Variants in SLC25A48 observed in about 807,000 individuals in gnomAD.
The protein encoded by SLC25A48 is solute carrier family 25 member 48.
A neutral mutation model predicts 32.2 loss-of-function variants in SLC25A48; 29 were observed. The observed-to-expected ratio is 0.90, with a 90% CI of 0.67 to 1.23. The LOEUF (loss-of-function observed/expected upper bound fraction) is 1.23. Ranked by LOEUF, SLC25A48 falls within the 50% of genes most tolerant of loss-of-function variation. The pLI, the probability that SLC25A48 is intolerant of heterozygous loss-of-function variation, is 0.00. For missense variants in SLC25A48, 399 were observed against 422.7 expected (o/e 0.94, Z 0.49); for synonymous variants, 164 against 172.3 (o/e 0.95, Z 0.38).
intron 3 of SLC25A48, among the ~76,000 whole-genome samples, chr5:135,755,850 G>GAAATATCA (rs72243598): frequency 4.0e-5 from 3 of 74,204 alleles, no homozygotes; most frequent in Admixed American, 1.2e-4. Context: ...TAGTATTAAT[G>GAAATATCA]AAATATCGCT....
chr5:135,776,849 A>G (rs959251894), intron 3 of SLC25A48, among the ~76,000 whole-genome samples: 3 of 151,928 alleles, frequency 2.0e-5, no homozygotes, highest in Non-Finnish European at 4.4e-5. Context: ...ATCAAAATGT[A>G]TATACAAACC....
chr5:135,702,821 G>T (rs1052515155), intron 3 of SLC25A48, among the ~76,000 whole-genome samples: 4 of 152,206 alleles, frequency 2.6e-5, no homozygotes, highest in African/African-American at 9.6e-5. Context: ...ACGTGTTAGC[G>T]TGGCGTGGAG....
intron 3 of SLC25A48, among the ~76,000 whole-genome samples, chr5:135,806,961 A>G (rs1282579834): frequency 6.6e-6 from 1 of 150,488 alleles, no homozygotes; most frequent in African/African-American, 2.4e-5. Context: ...TTTGAATATC[A>G]TAATAACTGT....
chr5:135,610,885 GA>G (rs1481415840), intron 1 of SLC25A48, among the ~76,000 whole-genome samples: 1 of 152,176 alleles, frequency 6.6e-6, no homozygotes, highest in Non-Finnish European at 1.5e-5. Flanking sequence ...TAACTTTAGT[GA>G]GTAGAATTTT....
intron 3 of SLC25A48, among the ~76,000 whole-genome samples, chr5:135,712,275 A>C (rs1202950920): frequency 6.6e-6 from 1 of 152,216 alleles, no homozygotes; most frequent in Admixed American, 6.5e-5. Flanking sequence ...TTTGGAGCAA[A>C]GAATTCATCA....
intron 3 of SLC25A48, among the ~76,000 whole-genome samples, chr5:135,749,213 T>C (rs1755712965): frequency 1.3e-5 from 2 of 151,778 alleles, no homozygotes; most frequent in Admixed American, 6.6e-5. Context: ...ATGCCTACTG[T>C]TTTTTGTACC....
chr5:135,748,898 T>C (rs2127006621), intron 3 of SLC25A48, among the ~76,000 whole-genome samples: 1 of 152,076 alleles, frequency 6.6e-6, no homozygotes, highest in South Asian at 2.1e-4. Flanking sequence ...TTTGTGTTTT[T>C]AGTAGAGACG....
At chr5:135,805,708 A>C (rs1749923010) in intron 3 of SLC25A48, among the ~76,000 whole-genome samples, 1 of 151,580 alleles carries the variant, frequency 6.6e-6, no homozygotes, top group Admixed American at 6.6e-5. Context: ...ATTACTTCTA[A>C]TATCCCAGTG....
intron 3 of SLC25A48, among the ~76,000 whole-genome samples, chr5:135,642,101 T>C (rs913426237): frequency 1.3e-5 from 2 of 152,188 alleles, no homozygotes; most frequent in Non-Finnish European, 2.9e-5. Flanking sequence ...TACTGGGAAG[T>C]TTGTTTAGCT....
At chr5:135,864,237 T>G (rs1761023715) in intron 4 of SLC25A48, among the ~76,000 whole-genome samples, 1 of 152,208 alleles carries the variant, frequency 6.6e-6, no homozygotes. Context: ...CAGAGTTGCC[T>G]GGCTGGGAGG....
At chr5:135,619,026 T>G (rs1420598874) in intron 1 of SLC25A48, among the ~76,000 whole-genome samples, 3 of 152,118 alleles carry the variant, frequency 2.0e-5, no homozygotes, top group Non-Finnish European at 2.9e-5. Context: ...TGTATCTGGA[T>G]GACTAAATCT....
intron 6 of SLC25A48, among the ~76,000 whole-genome samples, chr5:135,879,603 A>AGTGTGT (rs1401571630): frequency 1.4e-4 from 18 of 130,046 alleles, no homozygotes; most frequent in South Asian, 4.8e-4. Flanking sequence ...AGAGAGAGAG[A>AGTGTGT]GAGAGAGAGT....
At chr5:135,741,481 T>C (rs1321829464) in intron 3 of SLC25A48, among the ~76,000 whole-genome samples, 1 of 152,216 alleles carries the variant, frequency 6.6e-6, no homozygotes, top group Non-Finnish European at 1.5e-5. Context: ...CTCATGCCTG[T>C]AATCTCAGCA....
rs367673238 is a variant in SLC25A48 at position 135,721,367 on chromosome 5, A to T, written c.-521+86411A>T. On this transcript the variant is annotated intron_variant, in intron 3 of 10. Transcript: ENST00000646290. The stretch of plus-strand genomic sequence containing the variant: ...CAGGTGGCTGCCACCATGCCTGGCT[A>T]ATTTTTTGTATTTTTAGTAGAGATG... Among the ~76,000 whole-genome samples the T allele has an allele frequency of 1.8e-4, 27 of 151,552 alleles. No homozygotes were observed. In the South Asian group the frequency reaches 5.4e-3, roughly 31 times the overall value.
At chr5:135,620,351 C>T (rs987893164) in intron 1 of SLC25A48, among the ~76,000 whole-genome samples, 3 of 152,166 alleles carry the variant, frequency 2.0e-5, no homozygotes, top group South Asian at 2.1e-4. Context: ...GACCTTCCTT[C>T]GGGCCACCCA....
intron 3 of SLC25A48, among the ~76,000 whole-genome samples, chr5:135,655,252 C>T (rs1753215237): frequency 6.6e-6 from 1 of 152,168 alleles, no homozygotes; most frequent in Admixed American, 6.5e-5. Context: ...CTTACATTGG[C>T]TGTTCTGAGG....
chr5:135,820,116 G>A (rs1463456748), intron 4 of SLC25A48, among the ~76,000 whole-genome samples: 2 of 152,122 alleles, frequency 1.3e-5, no homozygotes, highest in Non-Finnish European at 1.5e-5. Context: ...TCAAAGACTT[G>A]TACCTAACCA....
intron 2 of SLC25A48, among the ~76,000 whole-genome samples, chr5:135,845,846 A>G (rs1343853717): frequency 6.6e-6 from 1 of 152,202 alleles, no homozygotes. Flanking sequence ...GACCCAGGTG[A>G]AAGGCTTATT....
intron 3 of SLC25A48, among the ~76,000 whole-genome samples, chr5:135,784,711 G>A (rs1756794149): frequency 8.5e-6 from 1 of 118,110 alleles, no homozygotes; most frequent in South Asian, 3.0e-4. Flanking sequence ...ATCGCAGGAA[G>A]TGTACATTCC....
Sources: gnomAD v4.1 joint callset for allele counts (sites outside exome capture counted in the v4.1 genomes callset) on GRCh38, gnomAD v4.1.1 for gene constraint, MANE v1.5 for transcripts, NCBI Gene and HGNC (gene_info 2026-07-23, HGNC 2026-07-21) for gene names.